The following PLCB4 variants were observed in gnomAD, a reference collection of about 807,000 sequenced individuals.
PLCB4 encodes 1-phosphatidylinositol 4,5-bisphosphate phosphodiesterase beta-4.
A neutral mutation model predicts 178.8 loss-of-function variants in PLCB4; 77 were observed. That is an observed-to-expected ratio of 0.43 (90% CI 0.36 to 0.52). The LOEUF (loss-of-function observed/expected upper bound fraction) is 0.52. Among genes scored for constraint, PLCB4 ranks in the 20% least tolerant of loss-of-function variants. The probability of loss-of-function intolerance (pLI) is 0.00; values close to 1 mark genes in which losing one functional copy is unlikely to be tolerated. For synonymous variants in PLCB4, 496 were observed against 490.8 expected (o/e 1.01, Z -0.14); for missense variants, 1,024 against 1,453.4 (o/e 0.70, Z 4.80).
chr20:9,232,538 C>T (rs1017243108), intron 3 of PLCB4, among the ~76,000 whole-genome samples: 3 of 152,046 alleles, frequency 2.0e-5, no homozygotes, highest in African/African-American at 7.2e-5. Context: ...GTGACTAAGC[C>T]AATATCTTCT....
intron 3 of PLCB4, among the ~76,000 whole-genome samples, chr20:9,295,259 T>C (rs1447166487): frequency 6.6e-6 from 1 of 152,184 alleles, no homozygotes; most frequent in East Asian, 1.9e-4. Flanking sequence ...TGCATATGGC[T>C]AGCACCTCCT....
intron 14 of PLCB4, among the ~76,000 whole-genome samples, chr20:9,385,330 C>T (rs2037496028): frequency 6.6e-6 from 1 of 152,156 alleles, no homozygotes; most frequent in African/African-American, 2.4e-5. Flanking sequence ...CTCTTTGGAG[C>T]TGTTGGGTAC....
chr20:9,259,231 C>A (rs771621975), intron 3 of PLCB4, among the ~76,000 whole-genome samples: 1 of 152,180 alleles, frequency 6.6e-6, no homozygotes, highest in African/African-American at 2.4e-5. Flanking sequence ...AGCAGCACAA[C>A]TTTAGTGATA....
At chr20:9,407,365 G>C (rs1294197651) in intron 21 of PLCB4, among the ~76,000 whole-genome samples, 1 of 149,906 alleles carries the variant, frequency 6.7e-6, no homozygotes, top group Non-Finnish European at 1.5e-5. Flanking sequence ...GTCCAATATA[G>C]TAATTTCTTT....
chr20:9,250,632 G>C (rs1010433198), intron 3 of PLCB4, among the ~76,000 whole-genome samples: 1 of 152,212 alleles, frequency 6.6e-6, no homozygotes, highest in African/African-American at 2.4e-5. Flanking sequence ...TTATTTGCCT[G>C]TCTTGCAGGT....
intron 3 of PLCB4, among the ~76,000 whole-genome samples, chr20:9,294,991 A>C (rs1432360242): frequency 6.6e-6 from 1 of 152,150 alleles, no homozygotes; most frequent in African/African-American, 2.4e-5. Flanking sequence ...GCTGAGGAAG[A>C]GGTCAACCTA....
intron 25 of PLCB4, among the ~76,000 whole-genome samples, chr20:9,415,196 T>G (rs2040158647): frequency 6.6e-6 from 1 of 152,248 alleles, no homozygotes; most frequent in African/African-American, 2.4e-5. Context: ...TGTGAAGAAC[T>G]TCTACTCATT....
At chr20:9,217,698 C>T (rs2093748626) in intron 3 of PLCB4, among the ~76,000 whole-genome samples, 1 of 152,244 alleles carries the variant, frequency 6.6e-6, no homozygotes, top group South Asian at 2.1e-4. Flanking sequence ...TCTACTTGCT[C>T]TCTGCAATAG....
At chr20:9,459,493 A>AT (rs940654786) in intron 34 of PLCB4, 142 bp from the exon 35 acceptor site, 2 of 509,756 alleles carry the variant, frequency 3.9e-6, no homozygotes, top group African/African-American at 3.8e-5. Flanking sequence ...AATACATATT[A>AT]TTTTTTGGTG....
At chr20:9,079,255 C>T (rs1177540569) in intron 1 of PLCB4, among the ~76,000 whole-genome samples, 1 of 152,156 alleles carries the variant, frequency 6.6e-6, no homozygotes, top group African/African-American at 2.4e-5. Context: ...GGCATGTGTA[C>T]GCCAAGTCCT....
At chr20:9,412,790 C>T (rs530089305) in intron 25 of PLCB4, among the ~76,000 whole-genome samples, 2 of 152,288 alleles carry the variant, frequency 1.3e-5, no homozygotes, top group African/African-American at 4.8e-5. Flanking sequence ...CATCTGCTGG[C>T]GCTCACCTTA....
intron 7 of PLCB4, among the ~76,000 whole-genome samples, chr20:9,357,815 A>T (rs2034971685): frequency 6.6e-6 from 1 of 152,170 alleles, no homozygotes; most frequent in Non-Finnish European, 1.5e-5. Flanking sequence ...CTTATAAGCT[A>T]CCCATATATT....
rs2146936326 is a variant in PLCB4 at position 9,152,687 on chromosome 20, G to T, written c.-79+56345G>T. ...CTAGGGCATCGTGGAAGGGAATGGG[G>T]TCAGAGTCCTCACACAGATACCCTA... On this transcript the variant is annotated intron_variant, in intron 2 of 39. Transcript: ENST00000378473. Among the ~76,000 whole-genome samples, 2 of 152,320 alleles carry T rather than the reference G, an allele frequency of 1.3e-5. 1 individual carries two copies.
intron 4 of PLCB4, among the ~76,000 whole-genome samples, chr20:9,314,700 G>T (rs1018075622): frequency 1.3e-5 from 2 of 152,030 alleles, no homozygotes; most frequent in African/African-American, 4.8e-5. Context: ...CGTAATAAAT[G>T]ATCCAAGAGG....
intron 1 of PLCB4, among the ~76,000 whole-genome samples, chr20:9,088,403 A>G (rs2090532968): frequency 6.6e-6 from 1 of 152,142 alleles, no homozygotes; most frequent in South Asian, 2.1e-4. Flanking sequence ...AAATTGAAAC[A>G]ATATTCCCTT....
intron 22 of PLCB4, among the ~76,000 whole-genome samples, chr20:9,408,292 G>C (rs1602454757): frequency 6.6e-6 from 1 of 152,260 alleles, no homozygotes; most frequent in East Asian, 1.9e-4. Flanking sequence ...TGTTAGTGCT[G>C]GGCATGTAGC....
intron 3 of PLCB4, among the ~76,000 whole-genome samples, chr20:9,226,452 C>T (rs2093866718): frequency 6.6e-6 from 1 of 152,156 alleles, no homozygotes; most frequent in Non-Finnish European, 1.5e-5. Flanking sequence ...TTAAATTTGT[C>T]ACCTGGCTGG....
intron 26 of PLCB4, among the ~76,000 whole-genome samples, chr20:9,420,406 C>T (rs1025787749): frequency 2.0e-5 from 3 of 151,962 alleles, no homozygotes; most frequent in Non-Finnish European, 2.9e-5. Flanking sequence ...GGCACAATCT[C>T]GGCTCACTGC....
At chr20:9,444,458 C>G (rs1223734930) in intron 32 of PLCB4, among the ~76,000 whole-genome samples, 2 of 152,158 alleles carry the variant, frequency 1.3e-5, no homozygotes, top group Non-Finnish European at 2.9e-5. Context: ...AACAAAGCTT[C>G]ATCCATTTAA....
Sources: gnomAD v4.1 joint callset for allele counts (sites outside exome capture counted in the v4.1 genomes callset) on GRCh38, gnomAD v4.1.1 for gene constraint, MANE v1.5 for transcripts, NCBI Gene and HGNC (gene_info 2026-07-23, HGNC 2026-07-21) for gene names.